The following CDH18 variants were observed in gnomAD, a reference collection of about 807,000 sequenced individuals.
CDH18 encodes the protein cadherin-18.
CDH18 carries 31 observed loss-of-function variants against 67.9 expected under a neutral mutation model. The ratio of observed to expected loss-of-function variants is 0.46; its 90% CI spans 0.34 to 0.62. The LOEUF is 0.62. Ranked by LOEUF, CDH18 falls within the 20% of genes least tolerant of loss-of-function variation. CDH18 has a pLI of 0.01. For synonymous variants in CDH18, 362 were observed against 347.2 expected (o/e 1.04, Z -0.48); for missense variants, 890 against 975.5 (o/e 0.91, Z 1.17).
chr5:20,462,622 AAAT>A (rs1364136287), intron 1 of CDH18, among the ~76,000 whole-genome samples: 1 of 152,202 alleles, frequency 6.6e-6, no homozygotes, highest in Non-Finnish European at 1.5e-5. Flanking sequence ...ATATATGTAC[AAAT>A]ATTATATATC....
intron 1 of CDH18, among the ~76,000 whole-genome samples, chr5:20,283,658 G>C (rs931794904): frequency 6.6e-6 from 1 of 152,056 alleles, no homozygotes; most frequent in Admixed American, 6.6e-5. Flanking sequence ...TGGTGGGAAA[G>C]TAAATTGTCA....
At chr5:20,166,613 T>C (rs1013368155) in intron 2 of CDH18, among the ~76,000 whole-genome samples, 2 of 152,040 alleles carry the variant, frequency 1.3e-5, no homozygotes, top group African/African-American at 4.8e-5. Flanking sequence ...GTGCCGCCAC[T>C]GGAGATCTGA....
chr5:20,538,898 G>GTTTTTTTTTTTT lies in CDH18; in HGVS notation c.-580+36563_-580+36564insAAAAAAAAAAAA, dbSNP rs376091293. ...TGGATATACATCCACATAGCCAACT[G>GTTTTTTTTTTTT]TTTTTTTTTTGTTTTTTTTTTTTTT... On this transcript the variant is annotated intron_variant, in intron 1 of 14. Transcript: ENST00000507958. Among the ~76,000 whole-genome samples, 13 of 106,764 alleles carry GTTTTTTTTTTTT rather than the reference G, an allele frequency of 1.2e-4. 4 individuals carry two copies. Among genetic ancestry groups the GTTTTTTTTTTTT allele is most frequent in the Non-Finnish European group, 1.6e-4 (9 of 55,184 alleles). 70.0% of individuals were successfully genotyped at this position (106,764 alleles called of 152,430 possible). A position where few individuals can be genotyped will look rare whatever the true frequency, so the allele number is the denominator to read the frequency against.
intron 2 of CDH18, among the ~76,000 whole-genome samples, chr5:19,941,763 G>T (rs1218818067): frequency 1.3e-5 from 2 of 151,798 alleles, no homozygotes; most frequent in South Asian, 2.1e-4. Context: ...CACCATCCTG[G>T]GTGACAGAGC....
At chr5:20,293,515 A>G (rs1398551971) in intron 1 of CDH18, among the ~76,000 whole-genome samples, 2 of 152,218 alleles carry the variant, frequency 1.3e-5, no homozygotes, top group Non-Finnish European at 2.9e-5. Context: ...ATGGAAAAGT[A>G]GATGTATAAC....
intron 1 of CDH18, among the ~76,000 whole-genome samples, chr5:20,381,148 G>A (rs953419812): frequency 4.6e-5 from 7 of 152,026 alleles, no homozygotes; most frequent in African/African-American, 2.4e-5. Context: ...CCATTTGCCC[G>A]CCAAGTAGAG....
chr5:20,275,303 C>T (rs1745724615), intron 1 of CDH18, among the ~76,000 whole-genome samples: 1 of 151,930 alleles, frequency 6.6e-6, no homozygotes. Flanking sequence ...GCCTTAAAAG[C>T]GTGTGGCACT....
At chr5:20,295,294 G>T (rs1362253309) in intron 1 of CDH18, among the ~76,000 whole-genome samples, 2 of 152,104 alleles carry the variant, frequency 1.3e-5, no homozygotes, top group African/African-American at 2.4e-5. Flanking sequence ...CTATAATACT[G>T]CCTTAGATAA....
In CDH18 at chr5:20,444,962, A is replaced by G. The variant is rs1177673331; in HGVS notation, c.-580+130500T>C. ...GGTTGTAAAAAATGTGTTATCATTT[A>G]TATATAATAATCATTCACAGACAGA... On this transcript the variant is annotated intron_variant, in intron 1 of 14. Coordinates refer to the CDH18 transcript ENST00000507958. Among the ~76,000 whole-genome samples the G allele has an allele frequency of 7.2e-5, 11 of 152,178 alleles. No homozygotes were observed. The East Asian group carries it at 1.9e-3, about 27-fold the overall frequency.
intron 1 of CDH18, among the ~76,000 whole-genome samples, chr5:20,261,591 A>C (rs921664378): frequency 5.3e-5 from 8 of 152,080 alleles, no homozygotes; most frequent in African/African-American, 1.2e-4. Flanking sequence ...ATACAAAAAA[A>C]TTAGCCAGGC....
chr5:20,477,953 A>G (rs752999048), intron 1 of CDH18, among the ~76,000 whole-genome samples: 3 of 152,162 alleles, frequency 2.0e-5, no homozygotes, highest in African/African-American at 7.2e-5. Context: ...TGAGGCCCCT[A>G]TTCTAGGTCC....
rs529783722 is a variant in CDH18 at position 19,658,668 on chromosome 5, A to T, written c.644-46067T>A. On this transcript the variant is annotated intron_variant, in intron 5 of 12. Transcript: ENST00000382275. ...AACTTCTTTTTTTCTTTTTTTTTTTAAATTATAAATTTTAGGGTACATGTG... is the reference window on the plus strand; with the variant it reads ...AACTTCTTTTTTTCTTTTTTTTTTTTAATTATAAATTTTAGGGTACATGTG... 1.3e-3 allele frequency among the ~76,000 whole-genome samples: 195 copies of T among 149,906 alleles called. 1 individual carries two copies. The South Asian group carries it at 0.017, about 13-fold the overall frequency.
chr5:20,166,669 G>C (rs1388407613), intron 2 of CDH18, among the ~76,000 whole-genome samples: 1 of 151,982 alleles, frequency 6.6e-6, no homozygotes, highest in Non-Finnish European at 1.5e-5. Flanking sequence ...CTTTTAAAAA[G>C]CTTCTTAGTA....
intron 5 of CDH18, among the ~76,000 whole-genome samples, chr5:19,641,514 A>G (rs933099003): frequency 1.3e-5 from 2 of 152,188 alleles, no homozygotes; most frequent in South Asian, 2.1e-4. Flanking sequence ...AGATTTATCA[A>G]TTGGTTTGCA....
At chr5:20,455,426 G>C (rs553585959) in intron 1 of CDH18, among the ~76,000 whole-genome samples, 3 of 152,118 alleles carry the variant, frequency 2.0e-5, no homozygotes, top group South Asian at 2.1e-4. Context: ...TGATTATAAG[G>C]CTTTAAACTA....
At chr5:20,463,302 GAAAA>G (rs140023840) in intron 1 of CDH18, among the ~76,000 whole-genome samples, 5 of 139,168 alleles carry the variant, frequency 3.6e-5, no homozygotes, top group African/African-American at 1.1e-4. Context: ...AGTAAAACAA[GAAAA>G]AAAAAAAGAG....
chr5:19,683,909 G>C (rs183152390), intron 5 of CDH18, among the ~76,000 whole-genome samples: 1 of 152,004 alleles, frequency 6.6e-6, no homozygotes, highest in Admixed American at 6.6e-5. Context: ...TGCCTGCATC[G>C]CCAGGAAACT....
chr5:20,516,879 G>C (rs13357806), intron 1 of CDH18, among the ~76,000 whole-genome samples: 2 of 151,798 alleles, frequency 1.3e-5, no homozygotes, highest in Non-Finnish European at 2.9e-5. Context: ...GACAAATTAC[G>C]TGTTTTCAAA....
chr5:19,701,979 T>C (rs1437665050), intron 5 of CDH18, among the ~76,000 whole-genome samples: 2 of 152,058 alleles, frequency 1.3e-5, no homozygotes, highest in Middle Eastern at 6.3e-3. Context: ...TCTACAAATA[T>C]AATCATTTAT....
Sources: gnomAD v4.1 joint callset for allele counts (sites outside exome capture counted in the v4.1 genomes callset) on GRCh38, gnomAD v4.1.1 for gene constraint, MANE v1.5 for transcripts, NCBI Gene and HGNC (gene_info 2026-07-23, HGNC 2026-07-21) for gene names.